Variants in KCNIP4 observed in about 807,000 individuals in gnomAD.
The protein encoded by KCNIP4 is Kv channel-interacting protein 4.
KCNIP4 carries 12 observed loss-of-function variants against 34.0 expected under a neutral mutation model. The ratio of observed to expected loss-of-function variants is 0.35; its 90% CI spans 0.23 to 0.57. The LOEUF is 0.57. KCNIP4 is among the 20% of genes least tolerant of loss of function. KCNIP4 has a pLI of 0.83. For missense variants in KCNIP4, 238 were observed against 311.7 expected (o/e 0.76, Z 1.78); for synonymous variants, 124 against 102.2 (o/e 1.21, Z -1.29).
intron 1 of KCNIP4, among the ~76,000 whole-genome samples, chr4:21,908,604 G>T (rs1365049957): frequency 3.3e-5 from 5 of 152,142 alleles, no homozygotes; most frequent in Non-Finnish European, 7.4e-5. Flanking sequence ...TAAACACAGT[G>T]AAAGGTATCT....
intron 1 of KCNIP4, among the ~76,000 whole-genome samples, chr4:20,928,096 A>T (rs1020862144): frequency 6.6e-5 from 10 of 152,102 alleles, no homozygotes; most frequent in African/African-American, 2.4e-4. Flanking sequence ...AAAATGTTCA[A>T]ATAAATGCAT....
chr4:21,772,089 T>A (rs1348063518), intron 1 of KCNIP4, among the ~76,000 whole-genome samples: 1 of 152,210 alleles, frequency 6.6e-6, no homozygotes, highest in African/African-American at 2.4e-5. Context: ...TATTTTGAGA[T>A]ATGTTCCATT....
intron 3 of KCNIP4, among the ~76,000 whole-genome samples, chr4:20,813,537 G>A (rs1251394788): frequency 6.6e-6 from 1 of 152,086 alleles, no homozygotes; most frequent in African/African-American, 2.4e-5. Flanking sequence ...GTTTTTGTGA[G>A]GGTAAAATGG....
At chr4:20,936,995 GC>G (rs1560583865) in intron 1 of KCNIP4, among the ~76,000 whole-genome samples, 3 of 151,992 alleles carry the variant, frequency 2.0e-5, no homozygotes, top group Admixed American at 6.5e-5. Context: ...AAGGAAAAAA[GC>G]GTAACGTTCT....
chr4:21,445,341 G>T (rs1405043603), intron 1 of KCNIP4, among the ~76,000 whole-genome samples: 2 of 152,142 alleles, frequency 1.3e-5, no homozygotes, highest in Non-Finnish European at 2.9e-5. Context: ...AAACAACAAA[G>T]CTGGAGGCAT....
At chr4:21,695,896 C>T (rs1299135213) in intron 1 of KCNIP4, among the ~76,000 whole-genome samples, 1 of 152,046 alleles carries the variant, frequency 6.6e-6, no homozygotes, top group Admixed American at 6.5e-5. Context: ...ATAAATGGCA[C>T]ATCATCCTTA....
At chr4:20,804,892 C>T (rs914321830) in intron 3 of KCNIP4, among the ~76,000 whole-genome samples, 19 of 152,146 alleles carry the variant, frequency 1.2e-4, no homozygotes, top group Admixed American at 6.6e-4. Context: ...TGATTGCAGA[C>T]CAGCTTCCTC....
chr4:21,280,638 C>T (rs1762718735), intron 1 of KCNIP4, among the ~76,000 whole-genome samples: 1 of 152,172 alleles, frequency 6.6e-6, no homozygotes, highest in Non-Finnish European at 1.5e-5. Context: ...TCTTCAATAA[C>T]CTACAGAAAG....
intron 1 of KCNIP4, among the ~76,000 whole-genome samples, chr4:21,358,334 C>G (rs1316323751): frequency 6.6e-6 from 1 of 151,722 alleles, no homozygotes; most frequent in East Asian, 1.9e-4. Flanking sequence ...TAAAAAAAAT[C>G]CTAAACAAAA....
chr4:21,110,383 C>T (rs1467850611), intron 1 of KCNIP4, among the ~76,000 whole-genome samples: 1 of 152,084 alleles, frequency 6.6e-6, no homozygotes, highest in Non-Finnish European at 1.5e-5. Flanking sequence ...TGCTGTGGCT[C>T]ACTAGACCAA....
intron 3 of KCNIP4, among the ~76,000 whole-genome samples, chr4:20,786,450 A>C (rs1712002374): frequency 6.6e-6 from 1 of 152,174 alleles, no homozygotes; most frequent in Non-Finnish European, 1.5e-5. Context: ...ATCTAAAATA[A>C]AAATAAAAGC....
intron 1 of KCNIP4, among the ~76,000 whole-genome samples, chr4:21,400,757 T>C (rs1723487349): frequency 6.6e-6 from 1 of 152,080 alleles, no homozygotes; most frequent in African/African-American, 2.4e-5. Flanking sequence ...TCAGCAAATA[T>C]GTAGAATTTT....
At chr4:21,212,846 G>T (rs1254172513) in intron 1 of KCNIP4, among the ~76,000 whole-genome samples, 1 of 152,128 alleles carries the variant, frequency 6.6e-6, no homozygotes, top group Non-Finnish European at 1.5e-5. Flanking sequence ...TATACATTTT[G>T]GGGAAACACA....
At chr4:20,818,069 C>A (rs1371159858) in intron 3 of KCNIP4, among the ~76,000 whole-genome samples, 4 of 152,262 alleles carry the variant, frequency 2.6e-5, no homozygotes, top group African/African-American at 9.6e-5. Flanking sequence ...AAATTGGGTG[C>A]AAGTTATATG....
chr4:20,756,225 A>C (rs908192342), intron 4 of KCNIP4, among the ~76,000 whole-genome samples: 2 of 152,054 alleles, frequency 1.3e-5, no homozygotes, highest in Non-Finnish European at 2.9e-5. Context: ...TCTGGCCATA[A>C]TAACAGAGAG....
At chr4:21,501,634 T>C (rs1354874903) in intron 1 of KCNIP4, among the ~76,000 whole-genome samples, 1 of 151,084 alleles carries the variant, frequency 6.6e-6, no homozygotes, top group Admixed American at 6.6e-5. Context: ...TCTTCAACTC[T>C]GCAGCAATTA....
chr4:21,806,878 G>T (rs1721328770), intron 1 of KCNIP4, among the ~76,000 whole-genome samples: 2 of 151,990 alleles, frequency 1.3e-5, no homozygotes, highest in African/African-American at 4.8e-5. Flanking sequence ...GGGTTGGATG[G>T]GATAGTTGTG....
intron 1 of KCNIP4, among the ~76,000 whole-genome samples, chr4:21,472,799 G>T (rs1231830946): frequency 1.3e-5 from 2 of 152,102 alleles, no homozygotes; most frequent in Admixed American, 6.5e-5. Flanking sequence ...AAACTGCCCA[G>T]TTTTTCTCCT....
chr4:21,802,355 C>T (rs1047067474), intron 1 of KCNIP4, among the ~76,000 whole-genome samples: 1 of 152,114 alleles, frequency 6.6e-6, no homozygotes, highest in Non-Finnish European at 1.5e-5. Flanking sequence ...CCTCGCTTTA[C>T]AAGGAACCAA....
Sources: allele counts gnomAD v4.1 joint callset (sites outside exome capture counted in the v4.1 genomes callset), GRCh38; gene constraint gnomAD v4.1.1; transcripts MANE v1.5; gene names NCBI Gene and HGNC (gene_info 2026-07-23, HGNC 2026-07-21).